FDCSP: variants seen among roughly 807,000 people sequenced by gnomAD.
The protein encoded by FDCSP is follicular dendritic cell secreted protein.
A neutral mutation model predicts 8.9 loss-of-function variants in FDCSP; 8 were observed. The observed-to-expected ratio is 0.90, with a 90% CI of 0.53 to 1.63. The LOEUF (loss-of-function observed/expected upper bound fraction) is 1.63. Ranked by LOEUF, FDCSP falls within the 40% of genes most tolerant of loss-of-function variation. FDCSP has a pLI of 0.00. For synonymous variants in FDCSP, 34 were observed against 34.5 expected (o/e 0.98, Z 0.06); for missense variants, 101 against 103.6 (o/e 0.98, Z 0.11).
intron 1 of FDCSP, among the ~76,000 whole-genome samples, chr4:70,229,442 T>C (rs1730043072): frequency 6.6e-6 from 1 of 151,828 alleles, no homozygotes; most frequent in Admixed American, 6.6e-5. Flanking sequence ...TCAAAACTTT[T>C]CCTTCGCATT....
rs75573360 is a variant in FDCSP, at chr4:70,229,836, A to C, written c.1-1359A>C. ...ATCACCATAAAAGATATAATAAAAT[A>C]TTATTACATCTTTATAATGTCTTAT... On this transcript the variant is annotated intron_variant, in intron 1 of 4. Transcript: ENST00000317987. Among the ~76,000 whole-genome samples the C allele has an allele frequency of 7.3e-3, 1,115 of 151,848 alleles. 12 individuals carry two copies. The highest frequency in any genetic ancestry group is 0.025 in the African/African-American group (1,051 of 41,500).
At chr4:70,229,734 A>G (rs1249578395) in intron 1 of FDCSP, among the ~76,000 whole-genome samples, 1 of 151,728 alleles carries the variant, frequency 6.6e-6, no homozygotes, top group African/African-American at 2.4e-5. Flanking sequence ...TTATCAAATA[A>G]GTTTGCCACT....
chr4:70,233,123 T>C, intron 3 of FDCSP, 97 bp downstream of exon 3: 1 of 1,069,990 alleles, frequency 9.3e-7, no homozygotes. Context: ...TCCCAAACTG[T>C]GGAGAGATTC....
At chr4:70,230,231 A>G (rs1730056483) in intron 1 of FDCSP, among the ~76,000 whole-genome samples, 1 of 151,686 alleles carries the variant, frequency 6.6e-6, no homozygotes, top group African/African-American at 2.4e-5. Flanking sequence ...TCTTTAGCAC[A>G]TACTGCATTC....
chr4:70,226,238 T>A (rs956030809), intron 1 of FDCSP, 56 bp downstream of exon 1: 2 of 151,950 alleles, frequency 1.3e-5, no homozygotes, highest in Non-Finnish European at 2.9e-5. Flanking sequence ...ATTTTGTAAA[T>A]ATAGATATAT....
At chr4:70,232,279 A>C (rs1730097393) in intron 2 of FDCSP, among the ~76,000 whole-genome samples, 1 of 151,592 alleles carries the variant, frequency 6.6e-6, no homozygotes, top group African/African-American at 2.4e-5. Flanking sequence ...TAACCTATAC[A>C]AGTGTATAGG....
chr4:70,234,324 T>C (rs1288548024), intron 4 of FDCSP, 109 bp downstream of exon 4: 26 of 865,508 alleles, frequency 3.0e-5, no homozygotes, highest in Non-Finnish European at 3.4e-6. Context: ...CCCTTTCAGT[T>C]TCTGTTTGTT....
chr4:70,229,944 C>A (rs1243375408), intron 1 of FDCSP, among the ~76,000 whole-genome samples: 1 of 151,430 alleles, frequency 6.6e-6, no homozygotes, highest in Admixed American at 6.6e-5. Context: ...ATGCAGTGAG[C>A]ATGTGCTGTT....
intron 1 of FDCSP, among the ~76,000 whole-genome samples, chr4:70,230,356 T>C (rs1357059553): frequency 1.3e-5 from 2 of 151,770 alleles, no homozygotes; most frequent in East Asian, 3.9e-4. Context: ...ATGACAAATA[T>C]TTATAAATGC....
intron 1 of FDCSP, among the ~76,000 whole-genome samples, chr4:70,228,526 G>C (rs777362659): frequency 4.5e-4 from 68 of 151,806 alleles, no homozygotes; most frequent in Non-Finnish European, 8.7e-4. Context: ...GGTCTTAATG[G>C]CATCTGGAGT....
intron 2 of FDCSP, 71 bp downstream of exon 2, chr4:70,231,322 A>C (rs1327626792): frequency 1.6e-6 from 2 of 1,235,558 alleles, no homozygotes; most frequent in Non-Finnish European, 2.3e-6. Flanking sequence ...TCAACCAGGA[A>C]CCACATACAC....
chr4:70,232,886 T>C, intron 2 of FDCSP, 108 bp from the exon 3 acceptor site: 1 of 958,624 alleles, frequency 1.0e-6, no homozygotes, highest in South Asian at 1.5e-5. Flanking sequence ...TTTTAAAAAA[T>C]GGTTATTATG....
In FDCSP at chr4:70,234,038, T is replaced by A; in HGVS notation, c.109T>A (p.Leu37Ile). ...TCAACAGATCAGTGACAGCGATGAATTAGCTTCAGGGTTTTTTGTGTTCCC... is the reference window on the plus strand; with the variant it reads ...TCAACAGATCAGTGACAGCGATGAAATAGCTTCAGGGTTTTTTGTGTTCCC... ...EKRSISDSDE[L>I]ASGFFVFPYP... Residue 37 changes from leucine (L) to isoleucine (I), a missense_variant, in exon 4 of 5, where the codon TTA (leucine) becomes ATA (isoleucine). Leu to Ile is a conservative substitution (Grantham distance 5). Coordinates refer to ENST00000317987, the MANE Select transcript of FDCSP (RefSeq NM_152997.4). 1 of 1,605,162 alleles carries A rather than the reference T, an allele frequency of 6.2e-7. No individual in the cohort carries two copies. The highest frequency in any genetic ancestry group is 8.5e-7 in the Non-Finnish European group (1 of 1,175,576).
chr4:70,230,186 C>G (rs1376234964), intron 1 of FDCSP, among the ~76,000 whole-genome samples: 3 of 151,604 alleles, frequency 2.0e-5, no homozygotes, highest in African/African-American at 7.3e-5. Flanking sequence ...TCTCCATTTT[C>G]AACTTGATTG....
In FDCSP at chr4:70,234,320, C is replaced by A. The variant is rs116328393; in HGVS notation, c.*28+105C>A. 1,711 of 908,718 alleles carry A rather than the reference C, an allele frequency of 1.9e-3. 19 individuals carry two copies. In the African/African-American group the frequency reaches 0.026, roughly 14 times the overall value. 56.3% of individuals were successfully genotyped at this position (908,718 alleles called of 1,614,324 possible). A position where few individuals can be genotyped will look rare whatever the true frequency, so the allele number is the denominator to read the frequency against. On this transcript the variant is annotated intron_variant, in intron 4 of 4. Coordinates refer to ENST00000317987, the MANE Select transcript of FDCSP (RefSeq NM_152997.4). ...AACTATGTCCCTAGTTGGCCCCTTTCAGTTTCTGTTTGTTTTAATGTTTTT... is the reference window on the plus strand; with the variant it reads ...AACTATGTCCCTAGTTGGCCCCTTTAAGTTTCTGTTTGTTTTAATGTTTTT...
intron 4 of FDCSP, 125 bp from the exon 5 acceptor site, chr4:70,234,960 T>C (rs1196204901): frequency 2.0e-5 from 3 of 151,556 alleles, no homozygotes; most frequent in African/African-American, 4.8e-5. Flanking sequence ...GAGCAGATGG[T>C]TTCCCAGTCC....
At chr4:70,234,580 C>T (rs979503385) in intron 4 of FDCSP, among the ~76,000 whole-genome samples, 2 of 151,432 alleles carry the variant, frequency 1.3e-5, no homozygotes, top group Non-Finnish European at 3.0e-5. Context: ...AGTTATGGGC[C>T]TAGAGTTTAA....
At chr4:70,227,187 A>G (rs2109682850) in intron 1 of FDCSP, among the ~76,000 whole-genome samples, 1 of 151,706 alleles carries the variant, frequency 6.6e-6, no homozygotes, top group East Asian at 2.0e-4. Context: ...AAAGTGGACT[A>G]TGTATATGTA....
chr4:70,231,277 A>G (rs1730078471), intron 2 of FDCSP, 26 bp downstream of exon 2: 6 of 1,559,922 alleles, frequency 3.8e-6, no homozygotes, highest in Non-Finnish European at 5.2e-6. Flanking sequence ...TACATTCCAA[A>G]ATATTTATGT....
Sources: gnomAD v4.1 joint callset for allele counts (sites outside exome capture counted in the v4.1 genomes callset) on GRCh38, gnomAD v4.1.1 for gene constraint, MANE v1.5 for transcripts, NCBI Gene and HGNC (gene_info 2026-07-23, HGNC 2026-07-21) for gene names.